The following OLFM3 variants were observed in gnomAD, a reference collection of about 807,000 sequenced individuals.
OLFM3 encodes the protein olfactomedin 3, also known as noelin-3.
In OLFM3, 20 loss-of-function variants were observed where a neutral mutation model predicts 48.6. That is an observed-to-expected ratio of 0.41 (90% CI 0.29 to 0.60). OLFM3 has a LOEUF of 0.60. OLFM3 is among the 20% of genes least tolerant of loss of function. The pLI is 0.28. For missense variants in OLFM3, 437 were observed against 544.3 expected (o/e 0.80, Z 1.96); for synonymous variants, 222 against 198.1 (o/e 1.12, Z -1.01).
chr1:101,921,705 C>A (rs892049990), intron 1 of OLFM3, among the ~76,000 whole-genome samples: 2 of 152,170 alleles, frequency 1.3e-5, no homozygotes, highest in Non-Finnish European at 2.9e-5. Context: ...AAGGTGCTAT[C>A]TGATTTATCT....
At chr1:101,833,907 G>A (rs6668547) in intron 2 of OLFM3, among the ~76,000 whole-genome samples, 24,966 of 151,996 alleles carry the variant, frequency 0.16, 2,279 homozygotes, top group South Asian at 0.21. Flanking sequence ...TATGTCATTG[G>A]TGAGGATGAT....
At chr1:101,846,916 T>C in intron 1 of OLFM3, 1 of 1,612,722 alleles carries the variant, frequency 6.2e-7, no homozygotes, top group Admixed American at 1.7e-5. Context: ...GACATCCAGT[T>C]TGAGATCATT....
chr1:101,867,596 G>A (rs1034524469), intron 1 of OLFM3, among the ~76,000 whole-genome samples: 2 of 152,016 alleles, frequency 1.3e-5, no homozygotes, highest in African/African-American at 4.8e-5. Flanking sequence ...ATCCCATTAG[G>A]TCAGAATAAC....
chr1:101,928,429 C>T (rs1659343069), intron 1 of OLFM3, among the ~76,000 whole-genome samples: 1 of 152,082 alleles, frequency 6.6e-6, no homozygotes, highest in Admixed American at 6.6e-5. Context: ...ATCCTGACTC[C>T]TTCTTATCTA....
intron 1 of OLFM3, among the ~76,000 whole-genome samples, chr1:101,931,816 A>G (rs1659452511): frequency 6.6e-6 from 1 of 152,190 alleles, no homozygotes; most frequent in African/African-American, 2.4e-5. Context: ...TACAGGCACA[A>G]GAATCTTTCT....
At chr1:101,841,262 T>C (rs1655706903) in intron 1 of OLFM3, among the ~76,000 whole-genome samples, 1 of 152,236 alleles carries the variant, frequency 6.6e-6, no homozygotes, top group Non-Finnish European at 1.5e-5. Flanking sequence ...CTCACTTTTC[T>C]TGAACGAACT....
intron 1 of OLFM3, among the ~76,000 whole-genome samples, chr1:101,863,014 G>A (rs1027661918): frequency 1.3e-5 from 2 of 149,414 alleles, no homozygotes; most frequent in Non-Finnish European, 3.0e-5. Flanking sequence ...TTTTTGAGAC[G>A]GAGTGTTGCT....
At chr1:101,857,353 G>A (rs1656467297) in intron 1 of OLFM3, among the ~76,000 whole-genome samples, 1 of 151,860 alleles carries the variant, frequency 6.6e-6, no homozygotes, top group African/African-American at 2.4e-5. Flanking sequence ...CAAGAAAATA[G>A]ATTCAAAATT....
rs184420415 is a variant in OLFM3 at position 101,956,265 on chromosome 1, A to G, written c.69+40483T>C. Among the ~76,000 whole-genome samples the G allele has an allele frequency of 2.1e-3, 318 of 151,798 alleles. 1 individual carries two copies. The highest frequency in any genetic ancestry group is 7.4e-3 in the African/African-American group (305 of 41,496). On this transcript the variant is annotated intron_variant, in intron 1 of 5. Transcript: ENST00000370103. Reference sequence around the variant, plus strand: ...ATATTTGATTATAAAATAAAATAAAAAGCCTCTAATGTGCCACATAAAGGC... The same window carrying G: ...ATATTTGATTATAAAATAAAATAAAGAGCCTCTAATGTGCCACATAAAGGC...
chr1:101,850,390 A>G (rs922916052), intron 1 of OLFM3, among the ~76,000 whole-genome samples: 2 of 152,166 alleles, frequency 1.3e-5, no homozygotes, highest in African/African-American at 4.8e-5. Flanking sequence ...ATAGACTTAT[A>G]TAGTAAATAA....
chr1:101,810,377 A>C (rs2100867616), intron 4 of OLFM3, among the ~76,000 whole-genome samples: 1 of 152,114 alleles, frequency 6.6e-6, no homozygotes, highest in East Asian at 1.9e-4. Flanking sequence ...ATAATCACTA[A>C]TAGCCCTAAA....
At chr1:101,912,150 T>C (rs892845935) in intron 1 of OLFM3, among the ~76,000 whole-genome samples, 3 of 152,172 alleles carry the variant, frequency 2.0e-5, no homozygotes, top group Admixed American at 2.0e-4. Context: ...ACAGCACTTT[T>C]TCTTGGCTCT....
At chr1:101,937,743 C>A (rs116567739) in intron 1 of OLFM3, among the ~76,000 whole-genome samples, 196 of 152,292 alleles carry the variant, frequency 1.3e-3, no homozygotes, top group African/African-American at 4.5e-3. Flanking sequence ...ATCAGATATA[C>A]CAAAGTTCAC....
intron 4 of OLFM3, among the ~76,000 whole-genome samples, chr1:101,814,266 G>GGT (rs1553169449): frequency 7.9e-5 from 11 of 139,200 alleles, no homozygotes; most frequent in Admixed American, 7.1e-5. Flanking sequence ...CCCAGCTAAG[G>GGT]TTTTTTTTTT....
intron 4 of OLFM3, among the ~76,000 whole-genome samples, chr1:101,819,050 A>G (rs1170052295): frequency 6.6e-6 from 1 of 152,140 alleles, no homozygotes; most frequent in Non-Finnish European, 1.5e-5. Flanking sequence ...TTTTCTGTAA[A>G]ATATGTTAAT....
At chr1:101,858,660 C>T (rs576621554) in intron 1 of OLFM3, among the ~76,000 whole-genome samples, 19 of 151,918 alleles carry the variant, frequency 1.3e-4, no homozygotes, top group South Asian at 1.0e-3. Flanking sequence ...TTAGTTCTCA[C>T]GAGATATGGT....
At chr1:101,902,382 G>A (rs1056221021) in intron 1 of OLFM3, among the ~76,000 whole-genome samples, 8 of 152,000 alleles carry the variant, frequency 5.3e-5, no homozygotes, top group Admixed American at 1.3e-4. Flanking sequence ...TTGGCAGCAA[G>A]ACAGGGGGAC....
intron 4 of OLFM3, among the ~76,000 whole-genome samples, chr1:101,821,954 C>T (rs926442528): frequency 6.6e-6 from 1 of 151,838 alleles, no homozygotes; most frequent in Middle Eastern, 3.2e-3. Flanking sequence ...CATTGTGGCC[C>T]ACTGGATAAA....
At chr1:101,924,332 A>C (rs1231759493) in intron 1 of OLFM3, among the ~76,000 whole-genome samples, 1 of 152,138 alleles carries the variant, frequency 6.6e-6, no homozygotes, top group East Asian at 1.9e-4. Flanking sequence ...GTTCTTATGG[A>C]TTTTATTTTT....
Sources: gnomAD v4.1 joint callset for allele counts (sites outside exome capture counted in the v4.1 genomes callset) on GRCh38, gnomAD v4.1.1 for gene constraint, MANE v1.5 for transcripts, NCBI Gene and HGNC (gene_info 2026-07-23, HGNC 2026-07-21) for gene names.